Variants in PRKAG2 observed in about 807,000 individuals in gnomAD.
The protein encoded by PRKAG2 is 5'-AMP-activated protein kinase subunit gamma-2.
In PRKAG2, 26 loss-of-function variants were observed where a neutral mutation model predicts 69.6. That is an observed-to-expected ratio of 0.37 (90% confidence interval 0.27 to 0.52). The LOEUF (loss-of-function observed/expected upper bound fraction) is 0.52. PRKAG2 is among the 20% of genes least tolerant of loss of function. The pLI is 0.90. For synonymous variants in PRKAG2, 293 were observed against 285.0 expected, an observed-to-expected ratio of 1.03 and a Z score of -0.28; for missense variants, 557 against 740.0, an observed-to-expected ratio of 0.75 and a Z score of 2.87.
chr7:151,829,278 T>A (rs1481237296), intron 1 of PRKAG2, among the ~76,000 whole-genome samples: 1 of 152,200 alleles, frequency 6.6e-6, no homozygotes, highest in African/African-American at 2.4e-5. Flanking sequence ...AAGCTCAACA[T>A]TAGTTATCAG....
chr7:151,600,506 G>A (rs770448796), intron 5 of PRKAG2, among the ~76,000 whole-genome samples: 2 of 152,108 alleles, frequency 1.3e-5, no homozygotes, highest in Admixed American at 6.6e-5. Flanking sequence ...ACCTCTCTTT[G>A]GGATATTACA....
In PRKAG2 at chr7:151,704,534, C is replaced by A. The variant is rs553773070; in HGVS notation, c.467-28897G>T. Among the ~76,000 whole-genome samples the A allele has an allele frequency of 9.8e-5, 15 of 152,318 alleles. No homozygotes were observed. The East Asian group carries it at 2.7e-3, about 27-fold the overall frequency. On this transcript the variant is annotated intron_variant, in intron 3 of 15. Transcript: ENST00000287878. ...GTTTACCATTTCGACTGCTGATGGG[C>A]ATCTGGGCGGCGTCTACTCTGGGGC...
chr7:151,709,783 AGTGAT>A (rs1294003971), intron 3 of PRKAG2, among the ~76,000 whole-genome samples: 1 of 152,264 alleles, frequency 6.6e-6, no homozygotes, highest in Non-Finnish European at 1.5e-5. Flanking sequence ...TGTGACACGG[AGTGAT>A]GTGAAGTGAT....
At chr7:151,649,992 C>T (rs114581731) in intron 4 of PRKAG2, among the ~76,000 whole-genome samples, 1 of 152,190 alleles carries the variant, frequency 6.6e-6, no homozygotes, top group African/African-American at 2.4e-5. Flanking sequence ...CCCCGACACA[C>T]ACCCCTGTAT....
In PRKAG2 at chr7:151,632,055, CG is replaced by C; in HGVS notation, c.754+13del. On this transcript the variant is annotated intron_variant, in intron 5 of 15. Coordinates refer to ENST00000287878, the MANE Select transcript of PRKAG2 (RefSeq NM_016203.4). The surrounding 1 kb of genome is among the most constrained non-coding windows in gnomAD (Gnocchi z 4.2). ...GTGGGAGCGCCGGGCCGGCAGCGGG[CG>C]GGGCGCACTCACCTTCGTCCTCGAA... 7.3e-7 allele frequency: 1 copy of C among 1,371,194 alleles called. No individual in the cohort carries two copies. Among genetic ancestry groups the C allele is most frequent in the Admixed American group, 2.3e-5 (1 of 44,062 alleles). 84.9% of individuals were successfully genotyped at this position (1,371,194 alleles called of 1,614,324 possible).
intron 15 of PRKAG2, chr7:151,558,144 A>C: frequency 3.0e-6 from 3 of 985,462 alleles, no homozygotes; most frequent in Non-Finnish European, 3.6e-6. Flanking sequence ...ACATGGGTTC[A>C]TTTGGACAGT....
At chr7:151,851,545 C>T (rs1044115088) in intron 1 of PRKAG2, among the ~76,000 whole-genome samples, 3 of 152,150 alleles carry the variant, frequency 2.0e-5, no homozygotes, top group Admixed American at 2.0e-4. Context: ...TGGCCACGCA[C>T]GTCTCTCCAG....
Position 151,621,333 on chromosome 7 carries a change from G to A in PRKAG2, c.754+10736C>T, listed in dbSNP as rs1426986286. Among the ~76,000 whole-genome samples the A allele has an allele frequency of 3.3e-5, 5 of 152,114 alleles. No individual in the cohort carries two copies. In the East Asian group the frequency reaches 5.8e-4, roughly 18 times the overall value. On this transcript the variant is annotated intron_variant, in intron 5 of 15. Coordinates refer to ENST00000287878, the MANE Select transcript of PRKAG2 (RefSeq NM_016203.4). The stretch of plus-strand genomic sequence containing the variant: ...ATCCATAAACAGGCTGAATAGAATG[G>A]TATGCTCTTCTGTAGCAGAAGAGGA...
intron 15 of PRKAG2, chr7:151,557,641 G>T: frequency 2.5e-6 from 2 of 785,436 alleles, no homozygotes; most frequent in Non-Finnish European, 3.1e-6. Flanking sequence ...AGGCCGAGGC[G>T]GGCGGATCAC....
At position 151,556,902 on chromosome 7, in the gene PRKAG2, C is replaced by G; in HGVS notation, c.*299G>C. The G allele has an allele frequency of 2.3e-6, 1 of 429,710 alleles. No individual in the cohort carries two copies. Among genetic ancestry groups the G allele is most frequent in the Non-Finnish European group, 4.3e-6 (1 of 231,528 alleles). The allele number at this position is 429,710 out of a possible 1,614,324, so 26.6% of individuals were successfully genotyped here. A position where few individuals can be genotyped will look rare whatever the true frequency, so the allele number is the denominator to read the frequency against. On this transcript the variant is annotated 3_prime_UTR_variant, in exon 16 of 16. Coordinates refer to ENST00000287878, the MANE Select transcript of PRKAG2 (RefSeq NM_016203.4). ...CTTATGCCACATCACCTGTTCCATA[C>G]CAGTGAATTCTTTGAAATGAAAAAT...
At chr7:151,875,277 C>A (rs1395739790) in intron 1 of PRKAG2, among the ~76,000 whole-genome samples, 3 of 147,204 alleles carry the variant, frequency 2.0e-5, no homozygotes, top group Non-Finnish European at 4.5e-5. Flanking sequence ...TGTCTGGAGA[C>A]CCGCCCCTGG....
Position 151,635,833 on chromosome 7 carries a change from G to A in PRKAG2, c.685-3695C>T, listed in dbSNP as rs1825636177. Among the ~76,000 whole-genome samples the A allele has an allele frequency of 2.6e-5, 4 of 151,882 alleles. No homozygotes were observed. In the South Asian group the frequency reaches 8.4e-4, roughly 32 times the overall value. ...TATTTTTCCCTATGAGTCAGGCCAAGCTGATTTAATTCTGTGGAGGAAATG... is the reference window on the plus strand; with the variant it reads ...TATTTTTCCCTATGAGTCAGGCCAAACTGATTTAATTCTGTGGAGGAAATG... On this transcript the variant is annotated intron_variant, in intron 4 of 15. Transcript: ENST00000287878.
At chr7:151,785,852 G>A (rs1305608496) in intron 2 of PRKAG2, among the ~76,000 whole-genome samples, 1 of 152,044 alleles carries the variant, frequency 6.6e-6, no homozygotes, top group East Asian at 1.9e-4. Flanking sequence ...CCTCTCCAGA[G>A]CCCCCCACCC....
chr7:151,677,403 G>A (rs1403480562), intron 3 of PRKAG2, among the ~76,000 whole-genome samples: 1 of 152,156 alleles, frequency 6.6e-6, no homozygotes, highest in East Asian at 1.9e-4. Flanking sequence ...TGTTGGGCAA[G>A]CTGCTTTCGA....
At chr7:151,703,801 G>A (rs1001503349) in intron 3 of PRKAG2, among the ~76,000 whole-genome samples, 3 of 149,800 alleles carry the variant, frequency 2.0e-5, no homozygotes, top group Non-Finnish European at 4.4e-5. Flanking sequence ...TCAGGAGTTT[G>A]AGACCAGCCT....
intron 3 of PRKAG2, among the ~76,000 whole-genome samples, chr7:151,742,668 A>G (rs377687948): frequency 2.0e-5 from 3 of 152,118 alleles, no homozygotes; most frequent in East Asian, 3.9e-4. Flanking sequence ...CCTTATTTGC[A>G]TTAAAGCCAC....
rs1586542336 is a variant in PRKAG2, at chr7:151,788,868, A to G, written c.115-2327T>C. ...TGCAATTTCATTCTTTTACATGTAG[A>G]TAGCCAGTTTTCCCAGCACTATTTG... On this transcript the variant is annotated intron_variant, in intron 1 of 15. Transcript: ENST00000287878. This position sits in a 1 kb window ranked among gnomAD's most constrained non-coding sequence, Gnocchi z 4.6. Among the ~76,000 whole-genome samples, 1 of 152,262 alleles carries G rather than the reference A, an allele frequency of 6.6e-6. No individual in the cohort carries two copies. The highest frequency in any genetic ancestry group is 1.5e-5 in the Non-Finnish European group (1 of 68,014).
intron 4 of PRKAG2, among the ~76,000 whole-genome samples, chr7:151,647,662 A>C (rs1347377650): frequency 6.6e-6 from 1 of 152,212 alleles, no homozygotes; most frequent in African/African-American, 2.4e-5. Context: ...TGAGAGTAGA[A>C]CATTCTTGTA....
chr7:151,593,307 C>A (rs1044260071), intron 6 of PRKAG2, among the ~76,000 whole-genome samples: 1 of 152,180 alleles, frequency 6.6e-6, no homozygotes, highest in South Asian at 2.1e-4. Context: ...CCCGCCTCAG[C>A]CTCCCGAGTA....
Sources: gnomAD v4.1 joint callset for allele counts (sites outside exome capture counted in the v4.1 genomes callset) on GRCh38, gnomAD v4.1.1 for gene constraint, Gnocchi (gnomAD v3.1) non-coding constraint, MANE v1.5 for transcripts, NCBI Gene and HGNC (gene_info 2026-07-23, HGNC 2026-07-21) for gene names.